Variants in EEF1B2 observed in about 807,000 individuals in gnomAD.
The protein encoded by EEF1B2 is eukaryotic translation elongation factor 1 beta 2, also known as elongation factor 1-beta.
Under a neutral mutation model 28.3 loss-of-function variants are expected in EEF1B2, and 12 were observed. The observed-to-expected ratio is 0.42, with a 90% confidence interval of 0.27 to 0.69. EEF1B2 has a LOEUF of 0.69. EEF1B2 is among the 30% of genes least tolerant of loss of function. The probability of loss-of-function intolerance (pLI) is 0.22; values close to 1 mark genes in which losing one functional copy is unlikely to be tolerated. For synonymous variants in EEF1B2, 83 were observed against 99.9 expected, an observed-to-expected ratio of 0.83 and a Z score of 1.01; for missense variants, 234 against 272.6, an observed-to-expected ratio of 0.86 and a Z score of 1.00.
At chr2:206,160,114 G>A in intron 1 of EEF1B2, 55 bp downstream of exon 1, 1 of 1,585,684 alleles carries the variant, frequency 6.3e-7, no homozygotes, top group Non-Finnish European at 8.6e-7. Flanking sequence ...CCGGGGCCGG[G>A]GCCACGTGGC....
In EEF1B2 at chr2:206,162,868, T is replaced by C; in HGVS notation, c.663T>C (p.Ala221=). Residue 221 remains alanine, a synonymous_variant, in exon 6 of 6, where the codon GCT becomes GCC. Coordinates refer to ENST00000392222, the MANE Select transcript of EEF1B2 (RefSeq NM_001959.4). ...EDYVQSMDVA[A]FNKI ...ATGTGCAGTCCATGGATGTGGCTGC[T>C]TTCAACAAGATCTAAAATCCATCCT... 1.9e-6 allele frequency: 3 copies of C among 1,593,324 alleles called. No homozygotes were observed.
At chr2:206,159,870 A>G, upstream of EEF1B2, 1 of 1,292,556 alleles carries the variant, frequency 7.7e-7, no homozygotes, top group African/African-American at 1.5e-5. Context: ...GTCTCTATAT[A>G]AGGAATTTTC....
chr2:206,160,878 A>G, intron 2 of EEF1B2, 168 bp downstream of exon 2: 1 of 1,021,920 alleles, frequency 9.8e-7, no homozygotes, highest in Non-Finnish European at 1.5e-6. Context: ...CCATTTTTTC[A>G]CAGAACAGGT....
At chr2:206,160,367 T>A (rs1576013283) in intron 1 of EEF1B2, among the ~76,000 whole-genome samples, 1 of 152,196 alleles carries the variant, frequency 6.6e-6, no homozygotes, top group East Asian at 1.9e-4. Flanking sequence ...CGCCAGACAT[T>A]GCAGTATTTG....
chr2:206,160,022 C>G lies in EEF1B2; in HGVS notation c.43C>G (p.Leu15Val), dbSNP rs777641439. The G allele has an allele frequency of 4.3e-6, 7 of 1,613,268 alleles. No homozygotes were observed. The highest frequency in any genetic ancestry group is 5.1e-6 in the Non-Finnish European group (6 of 1,179,758). Residue 15 changes from leucine to valine, a missense_variant, in exon 1 of 6, where the codon CTC (leucine) becomes GTC (valine). Coordinates refer to ENST00000392222, the MANE Select transcript of EEF1B2 (RefSeq NM_001959.4). ...DLKSPAGLQV[L>V]NDYLADKSYI... Reference sequence around the variant, plus strand: ...GAAAAGCCCTGCCGGCCTCCAGGTGCTCAACGATTACCTGGCGGACAAGAG... The same window carrying G: ...GAAAAGCCCTGCCGGCCTCCAGGTGGTCAACGATTACCTGGCGGACAAGAG...
chr2:206,162,367 C>T (rs1687959574), intron 4 of EEF1B2, 122 bp from the exon 5 acceptor site: 4 of 1,470,514 alleles, frequency 2.7e-6, no homozygotes, highest in Non-Finnish European at 3.8e-6. Context: ...CAAGATGTAT[C>T]TGTAGTTTTG....
In EEF1B2 at chr2:206,159,959, C is replaced by A; in HGVS notation, c.-21C>A. ...GCGCTCTCTTTCTGCTGCTCCCCAGCTCTCGGATACAGCCGACACCATGGG... is the reference window on the plus strand; with the variant it reads ...GCGCTCTCTTTCTGCTGCTCCCCAGATCTCGGATACAGCCGACACCATGGG... On this transcript the variant is annotated 5_prime_UTR_variant, in exon 1 of 6. Coordinates refer to ENST00000392222, the MANE Select transcript of EEF1B2 (RefSeq NM_001959.4). 1 of 1,609,218 alleles carries A rather than the reference C, an allele frequency of 6.2e-7. No individual in the cohort carries two copies. The highest frequency in any genetic ancestry group is 8.5e-7 in the Non-Finnish European group (1 of 1,178,656).
At chr2:206,161,518 C>T in intron 3 of EEF1B2, 46 bp downstream of exon 3, 1 of 1,607,308 alleles carries the variant, frequency 6.2e-7, no homozygotes, top group Non-Finnish European at 8.5e-7. Flanking sequence ...CGCAGTGGCT[C>T]ATGCCTGTAA....
At chr2:206,161,254 T>C in intron 2 of EEF1B2, 92 bp from the exon 3 acceptor site, 1 of 1,546,328 alleles carries the variant, frequency 6.5e-7, no homozygotes, top group Non-Finnish European at 8.8e-7. Context: ...AGGGATCTAG[T>C]GATAAGTAGT....
At chr2:206,161,008 A>G (rs1687913060) in intron 2 of EEF1B2, 2 of 645,296 alleles carry the variant, frequency 3.1e-6, no homozygotes, top group Non-Finnish European at 5.6e-6. Context: ...GTCCTTGGCC[A>G]TTCTTCTGAA....
chr2:206,160,421 C>G, intron 1 of EEF1B2, 167 bp from the exon 2 acceptor site: 1 of 1,269,674 alleles, frequency 7.9e-7, no homozygotes, highest in East Asian at 2.5e-5. Flanking sequence ...GCGCGGTGAC[C>G]CAAACATATG....
At chr2:206,160,106 G>C (rs774737568) in intron 1 of EEF1B2, 47 bp downstream of exon 1, 3 of 1,589,724 alleles carry the variant, frequency 1.9e-6, no homozygotes, top group South Asian at 1.1e-5. Flanking sequence ...TTCTCCGCCC[G>C]GGGCCGGGGC....
chr2:206,160,088 G>A, intron 1 of EEF1B2, 29 bp downstream of exon 1: 1 of 1,605,588 alleles, frequency 6.2e-7, no homozygotes, highest in Non-Finnish European at 8.5e-7. Context: ...TCGGGGTGGC[G>A]GGGAGGTTTC....
Position 206,161,361 on chromosome 2 carries a change from G to A in EEF1B2, c.219G>A (p.Lys73=). 1 of 1,614,106 alleles carries A rather than the reference G, an allele frequency of 6.2e-7. No individual in the cohort carries two copies. Among genetic ancestry groups the A allele is most frequent in the African/African-American group, 1.3e-5 (1 of 75,046 alleles). Residue 73 remains lysine, a synonymous_variant, in exon 3 of 6, where the codon AAG becomes AAA. Coordinates refer to ENST00000392222, the MANE Select transcript of EEF1B2 (RefSeq NM_001959.4). ...GTTTTTCAAGCCTGCCAGGAGTGAA[G>A]AAAGCTTTGGGCAAATATGGTCCTG... ...EKEKASLPGV[K]KALGKYGPAD...
At chr2:206,160,477 C>T (rs971289048) in intron 1 of EEF1B2, 111 bp from the exon 2 acceptor site, 3 of 1,562,390 alleles carry the variant, frequency 1.9e-6, no homozygotes, top group African/African-American at 1.4e-5. Context: ...ATTAAAGCAA[C>T]CCTGCTGGGG....
chr2:206,160,760 T>C, intron 2 of EEF1B2, 50 bp downstream of exon 2: 1 of 1,613,452 alleles, frequency 6.2e-7, no homozygotes, highest in Non-Finnish European at 8.5e-7. Context: ...TCTCGAAGTT[T>C]ATCAGGATGT....
intron 4 of EEF1B2, 44 bp downstream of exon 4, chr2:206,162,148 A>G: frequency 3.2e-6 from 5 of 1,574,234 alleles, no homozygotes; most frequent in Non-Finnish European, 4.4e-6. Context: ...AATGTAAGTA[A>G]TCTTTTTCAA....
rs1021047161 is a variant in EEF1B2 at position 206,162,086 on chromosome 2, G to A, written c.379G>A (p.Glu127Lys). 6.2e-7 allele frequency: 1 copy of A among 1,613,968 alleles called. No homozygotes were observed. Among genetic ancestry groups the A allele is most frequent in the African/African-American group, 1.3e-5 (1 of 75,036 alleles). ...RLREERLAQY[E>K]SKKAKKPALV... ...AAGGGAAGAACGTCTTGCACAATATGAATCAAAGAAAGCCAAAAGTAGGTC... is the reference window on the plus strand; with the variant it reads ...AAGGGAAGAACGTCTTGCACAATATAAATCAAAGAAAGCCAAAAGTAGGTC... The change falls in exon 4 of 6, where the codon GAA becomes AAA. Residue 127 changes from glutamate (E) to lysine (K), a missense_variant. Physicochemically the swap from Glu to Lys is moderately conservative, Grantham distance 56. This residue lies in a region of EEF1B2 where 178 missense variants were observed against 173.3 expected (regional missense o/e 1.03). Transcript: ENST00000392222.
rs1412049533 is a variant in EEF1B2 at position 206,162,073 on chromosome 2, T to G, written c.366T>G (p.Arg122=). The change falls in exon 4 of 6, where the codon CGT becomes CGG. Residue 122 remains arginine (R), a synonymous_variant. Coordinates refer to ENST00000392222, the MANE Select transcript of EEF1B2 (RefSeq NM_001959.4). ...SEEAKRLREE[R]LAQYESKKAK... ...AAGCAAAGAGGCTAAGGGAAGAACG[T>G]CTTGCACAATATGAATCAAAGAAAG... is the stretch of plus-strand genomic sequence containing the variant. 1 of 1,614,156 alleles carries G rather than the reference T, an allele frequency of 6.2e-7. No homozygotes were observed. The highest frequency in any genetic ancestry group is 8.5e-7 in the Non-Finnish European group (1 of 1,180,002).
Sources: gnomAD v4.1 joint callset for allele counts (sites outside exome capture counted in the v4.1 genomes callset) on GRCh38, gnomAD v4.1.1 for gene constraint, gnomAD v4.1.1 regional missense constraint, MANE v1.5 for transcripts, NCBI Gene and HGNC (gene_info 2026-07-23, HGNC 2026-07-21) for gene names.